The following COL9A3 variants were observed in gnomAD, a reference collection of about 807,000 sequenced individuals.
COL9A3 encodes collagen type IX alpha 3 chain.
A neutral mutation model predicts 110.2 loss-of-function variants in COL9A3; 82 were observed. The ratio of observed to expected loss-of-function variants is 0.74; its 90% CI spans 0.62 to 0.89. The LOEUF (loss-of-function observed/expected upper bound fraction) is 0.89, where lower values mean the gene tolerates loss of function less well. Among genes scored for constraint, COL9A3 ranks in the 40% least tolerant of loss-of-function variants. The pLI is 0.00. For synonymous variants in COL9A3, 494 were observed against 403.8 expected (o/e 1.22, Z -2.68); for missense variants, 1,066 against 981.3 (o/e 1.09, Z -1.15).
chr20:62,835,316 G>A (rs1026031333), intron 26 of COL9A3, among the ~76,000 whole-genome samples: 1 of 152,196 alleles, frequency 6.6e-6, no homozygotes, highest in African/African-American at 2.4e-5. Flanking sequence ...TCCCCACTGC[G>A]TCATTCCATG....
intron 13 of COL9A3, 149 bp from the exon 14 acceptor site, chr20:62,826,055 T>G: frequency 9.4e-7 from 1 of 1,065,532 alleles, no homozygotes; most frequent in Non-Finnish European, 1.4e-6. Flanking sequence ...TCAAGGCTGG[T>G]GCCCCCTCCC....
intron 17 of COL9A3, 85 bp downstream of exon 17, chr20:62,828,061 G>A: frequency 7.2e-7 from 1 of 1,391,242 alleles, no homozygotes. Flanking sequence ...AAGGGCTGGA[G>A]CTCAGTGCCC....
chr20:62,835,018 G>T (rs549830603), intron 26 of COL9A3, among the ~76,000 whole-genome samples: 2 of 152,390 alleles, frequency 1.3e-5, no homozygotes, highest in African/African-American at 4.8e-5. Flanking sequence ...ACTGTTGCTG[G>T]TGGGGTGAGG....
chr20:62,832,200 C>T lies in COL9A3; in HGVS notation c.1323+11C>T. 2 of 1,612,618 alleles carry T rather than the reference C, an allele frequency of 1.2e-6. No individual in the cohort carries two copies. Among genetic ancestry groups the T allele is most frequent in the East Asian group, 2.2e-5 (1 of 44,896 alleles). On this transcript the variant is annotated intron_variant, in intron 25 of 31. Coordinates refer to ENST00000649368, the MANE Select transcript of COL9A3 (RefSeq NM_001853.4). ...CCTAAGGGAGACCAGGTGAGCTGGGCACAGGCTGGGGCAAAAGGAATGAAG... is the reference window on the plus strand; with the variant it reads ...CCTAAGGGAGACCAGGTGAGCTGGGTACAGGCTGGGGCAAAAGGAATGAAG...
At chr20:62,834,290 G>A (rs138973227) in intron 26 of COL9A3, among the ~76,000 whole-genome samples, 1,839 of 152,350 alleles carry the variant, frequency 0.012, 43 homozygotes, top group African/African-American at 0.041. Context: ...GATTACAGGC[G>A]TGAGCCGCCG....
chr20:62,830,250 G>A (rs999939197), intron 22 of COL9A3, 110 bp from the exon 23 acceptor site: 16 of 1,302,814 alleles, frequency 1.2e-5, no homozygotes, highest in African/African-American at 2.9e-5. Flanking sequence ...GCTTAGAACC[G>A]GCTCCTGTGT....
chr20:62,829,072 G>T (rs1286651296), intron 19 of COL9A3, 96 bp downstream of exon 19: 2 of 1,341,256 alleles, frequency 1.5e-6, no homozygotes, highest in Admixed American at 2.0e-5. Context: ...CTGTAGGGCC[G>T]ACTCCCTGTG....
intron 10 of COL9A3, among the ~76,000 whole-genome samples, 159 bp from the exon 11 acceptor site, chr20:62,824,283 ATGC>A (rs754229053): frequency 9.4e-5 from 8 of 85,410 alleles, no homozygotes; most frequent in East Asian, 7.8e-4. Context: ...CCCGTCACTG[ATGC>A]GGAGTGGCCT....
chr20:62,822,641 T>C lies in COL9A3; in HGVS notation c.519+9T>C, dbSNP rs752452246. 6.2e-7 allele frequency: 1 copy of C among 1,611,564 alleles called. No homozygotes were observed. The highest frequency in any genetic ancestry group is 8.5e-7 in the Non-Finnish European group (1 of 1,179,824). ...GCGCTACTGACCTTCAGGTAGGCAC[T>C]TGAAGCCATTTGTTAAGGGTGCTGG... On this transcript the variant is annotated intron_variant, in intron 10 of 31. Coordinates refer to ENST00000649368, the MANE Select transcript of COL9A3 (RefSeq NM_001853.4).
intron 16 of COL9A3, among the ~76,000 whole-genome samples, 185 bp downstream of exon 16, chr20:62,827,479 G>A (rs1047728061): frequency 7.2e-5 from 11 of 152,168 alleles, no homozygotes; most frequent in African/African-American, 1.4e-4. Context: ...GGCCCCAGCC[G>A]TTCTCCCAGA....
In COL9A3 at chr20:62,821,827, G is replaced by C. The variant is rs759881943; in HGVS notation, c.423+17G>C. Reference sequence around the variant, plus strand: ...GGCCCCCCGGTGAGTGGCTGTCCCAGAGCCCCTCAGAGTGTGCTCACCTGT... The same window carrying C: ...GGCCCCCCGGTGAGTGGCTGTCCCACAGCCCCTCAGAGTGTGCTCACCTGT... On this transcript the variant is annotated intron_variant, in intron 8 of 31. Transcript: ENST00000649368. 1.3e-6 allele frequency: 2 copies of C among 1,555,254 alleles called. No individual in the cohort carries two copies. The highest frequency in any genetic ancestry group is 2.3e-5 in the South Asian group (2 of 88,786).
chr20:62,827,418 T>A, intron 16 of COL9A3, 124 bp downstream of exon 16: 1 of 892,634 alleles, frequency 1.1e-6, no homozygotes, highest in Non-Finnish European at 1.7e-6. Flanking sequence ...TGGGTGGGCC[T>A]GGGGGTGCGT....
intron 16 of COL9A3, 75 bp downstream of exon 16, chr20:62,827,369 AG>A (rs2063562874): frequency 6.7e-7 from 1 of 1,492,802 alleles, no homozygotes; most frequent in Non-Finnish European, 9.3e-7. Flanking sequence ...CGTGCTGGGG[AG>A]GGGGACACAC....
intron 30 of COL9A3, among the ~76,000 whole-genome samples, chr20:62,837,906 C>T (rs1475601788): frequency 6.6e-6 from 1 of 152,184 alleles, no homozygotes; most frequent in African/African-American, 2.4e-5. Flanking sequence ...TACTGGAAGT[C>T]AGGAGTTCAA....
intron 17 of COL9A3, among the ~76,000 whole-genome samples, chr20:62,828,355 C>A (rs1185559680): frequency 2.0e-5 from 3 of 152,236 alleles, no homozygotes; most frequent in Non-Finnish European, 4.4e-5. Flanking sequence ...GCCTCTGCCC[C>A]GGAGTAGTGC....
intron 7 of COL9A3, 47 bp from the exon 8 acceptor site, chr20:62,821,710 G>T (rs770333917): frequency 6.3e-7 from 1 of 1,576,410 alleles, no homozygotes; most frequent in South Asian, 1.1e-5. Flanking sequence ...GGGGATCCTC[G>T]GGGCTTCCGG....
At chr20:62,817,895 G>A (rs1256280821) in intron 2 of COL9A3, 1 of 613,536 alleles carries the variant, frequency 1.6e-6, no homozygotes, top group Admixed American at 2.4e-5. Context: ...TCCCCTGAGG[G>A]GCCCGTGCCC....
intron 2 of COL9A3, chr20:62,817,909 T>C: frequency 3.5e-6 from 2 of 565,930 alleles, no homozygotes; most frequent in Non-Finnish European, 6.7e-6. Context: ...CGTGCCCCTG[T>C]GTTCGGGGTT....
chr20:62,819,882 T>C (rs766852869), intron 4 of COL9A3, 47 bp from the exon 5 acceptor site: 2 of 1,609,730 alleles, frequency 1.2e-6, no homozygotes, highest in East Asian at 2.2e-5. Context: ...GGGGGTGGCA[T>C]GTGCTTCCCA....
Sources: allele counts gnomAD v4.1 joint callset (sites outside exome capture counted in the v4.1 genomes callset), GRCh38; gene constraint gnomAD v4.1.1; transcripts MANE v1.5; gene names NCBI Gene and HGNC (gene_info 2026-07-23, HGNC 2026-07-21).